Variants in OR6C1 observed in about 807,000 individuals in gnomAD.
OR6C1 encodes olfactory receptor 6C1.
For missense variants in OR6C1, 386 were observed against 366.1 expected, an observed-to-expected ratio of 1.05 and a Z score of -0.44; for synonymous variants, 157 against 133.3, an observed-to-expected ratio of 1.18 and a Z score of -1.22.
chr12:55,319,450 T>C (rs1868480575), intron 1 of OR6C1, among the ~76,000 whole-genome samples: 2 of 152,206 alleles, frequency 1.3e-5, no homozygotes, highest in East Asian at 1.9e-4. Flanking sequence ...AGGTGGTTTT[T>C]CAGTATGTCC....
chr12:55,320,645 A>C lies in OR6C1; in HGVS notation c.46A>C (p.Thr16Pro). 1.9e-6 allele frequency: 3 copies of C among 1,613,262 alleles called. No individual in the cohort carries two copies. Among genetic ancestry groups the C allele is most frequent in the Non-Finnish European group, 2.5e-6 (3 of 1,179,426 alleles). ...EITEFILLGL[T>P]DDPNFQVVIF... ...AACAGAGTTTATTCTTCTGGGATTA[A>C]CAGATGACCCAAATTTTCAGGTTGT... is the stretch of plus-strand genomic sequence containing the variant. Residue 16 changes from threonine (T) to proline (P), a missense_variant, in exon 2 of 2, where the codon ACA becomes CCA. Transcript: ENST00000642104.
At chr12:55,316,128 CA>C (rs1183046797) in intron 1 of OR6C1, among the ~76,000 whole-genome samples, 16 of 122,896 alleles carry the variant, frequency 1.3e-4, no homozygotes, top group East Asian at 1.0e-3. Context: ...CACACACACA[CA>C]CCCCCCGAGA....
At position 55,322,051 on chromosome 12, in the gene OR6C1, G is replaced by A. The variant is rs1868576641; in HGVS notation, c.*513G>A. ...ACTCATTTTAATTAGGTATGTTGGT[G>A]AAATTAATCTATTAATAAAGGAGCC... is the stretch of plus-strand genomic sequence containing the variant. On this transcript the variant is annotated 3_prime_UTR_variant, in exon 2 of 2. Transcript: ENST00000642104. The A allele has an allele frequency of 6.6e-6, 1 of 152,116 alleles. No homozygotes were observed. The highest frequency in any genetic ancestry group is 2.4e-5 in the African/African-American group (1 of 41,440). The allele number at this position is 152,116 out of a possible 1,614,324, so 9.4% of individuals were successfully genotyped here.
chr12:55,321,352 C>T lies in OR6C1; in HGVS notation c.753C>T (p.Gly251=). 5 of 1,613,838 alleles carry T rather than the reference C, an allele frequency of 3.1e-6. No homozygotes were observed. Among genetic ancestry groups the T allele is most frequent in the African/African-American group, 1.3e-5 (1 of 75,040 alleles). Reference sequence around the variant, plus strand: ...TGGTTGTTGTCTCCATCTCTTATGGCAGCTGCATTTTTATGTACATTAAAC... The same window carrying T: ...TGGTTGTTGTCTCCATCTCTTATGGTAGCTGCATTTTTATGTACATTAAAC... ...SHMVVVSISY[G]SCIFMYIKPS... Residue 251 remains glycine, a synonymous_variant, in exon 2 of 2, where the codon GGC becomes GGT. Transcript: ENST00000642104.
At chr12:55,316,995 TA>T (rs538342435) in intron 1 of OR6C1, among the ~76,000 whole-genome samples, 26 of 151,730 alleles carry the variant, frequency 1.7e-4, no homozygotes, top group Non-Finnish European at 3.4e-4. Flanking sequence ...AGTAAAGTGT[TA>T]AAAAAAATTA....
In OR6C1 at chr12:55,320,958, G is replaced by A. The variant is rs148191903; in HGVS notation, c.359G>A (p.Arg120His). The A allele has an allele frequency of 1.3e-4, 209 of 1,613,658 alleles. No homozygotes were observed. The highest frequency in any genetic ancestry group is 9.9e-4 in the Middle Eastern group (6 of 6,062). The change falls in exon 2 of 2, where the codon CGC (arginine) becomes CAC (histidine). Residue 120 changes from arginine to histidine, a missense_variant. Physicochemically the swap from Arg to His is conservative, Grantham distance 29. Coordinates refer to ENST00000642104, the MANE Select transcript of OR6C1 (RefSeq NM_001005182.2). ...CTTCTGGCTGCCATGTCCTATGACC[G>A]CTATGTGGCCATCTGCAAGCCTCTG... is the stretch of plus-strand genomic sequence containing the variant. ...FYLLAAMSYDRYVAICKPLHC... is the reference protein window; with the variant it reads ...FYLLAAMSYDHYVAICKPLHC...
chr12:55,320,488 C>A, intron 1 of OR6C1, 79 bp from the exon 2 acceptor site: 1 of 660,622 alleles, frequency 1.5e-6, no homozygotes, highest in Non-Finnish European at 2.6e-6. Flanking sequence ...CATACTATGT[C>A]AACCAAACTC....
intron 1 of OR6C1, among the ~76,000 whole-genome samples, chr12:55,316,450 G>C (rs1300298026): frequency 6.6e-6 from 1 of 151,728 alleles, no homozygotes; most frequent in Admixed American, 6.6e-5. Context: ...TAGAAAACAA[G>C]TAAGTAATTT....
chr12:55,320,705 A>G lies in OR6C1; in HGVS notation c.106A>G (p.Ser36Gly). 1.2e-6 allele frequency: 2 copies of G among 1,613,950 alleles called. No homozygotes were observed. Among genetic ancestry groups the G allele is most frequent in the Non-Finnish European group, 1.7e-6 (2 of 1,179,850 alleles). Residue 36 changes from serine to glycine, a missense_variant, in exon 2 of 2, where the codon AGC becomes GGC. Transcript: ENST00000642104. The part of the protein sequence containing the change: ...FVFLLITYML[S>G]ITGNLTLITI... ...CTTCCTGCTCATCACCTACATGCTC[A>G]GCATCACTGGGAACCTGACCCTTAT...
rs778816673 is a variant in OR6C1 at position 55,320,689 on chromosome 12, C to T, written c.90C>T (p.Leu30=). ...AGGTTGTAATCTTTGTCTTCCTGCT[C>T]ATCACCTACATGCTCAGCATCACTG... The part of the protein sequence containing the change: ...NFQVVIFVFL[L]ITYMLSITGN... Residue 30 remains leucine, a synonymous_variant, in exon 2 of 2, where the codon CTC becomes CTT. Coordinates refer to ENST00000642104, the MANE Select transcript of OR6C1 (RefSeq NM_001005182.2). 10 of 1,613,036 alleles carry T rather than the reference C, an allele frequency of 6.2e-6. No individual in the cohort carries two copies. The African/African-American group carries it at 8.0e-5, about 13-fold the overall frequency.
chr12:55,320,683 C>CCTGCTCAT lies in OR6C1; in HGVS notation c.86_93dup (p.Thr32CysfsTer13). On this transcript the variant is annotated frameshift_variant, in exon 2 of 2. Transcript: ENST00000642104. LOFTEE classifies it low-confidence loss of function (END_TRUNC). ...ATTTTCAGGTTGTAATCTTTGTCTT[C>CCTGCTCAT]CTGCTCATCACCTACATGCTCAGCA... The CCTGCTCAT allele has an allele frequency of 1.2e-6, 2 of 1,613,642 alleles. No individual in the cohort carries two copies. The highest frequency in any genetic ancestry group is 1.7e-6 in the Non-Finnish European group (2 of 1,179,592).
At position 55,321,659 on chromosome 12, in the gene OR6C1, C is replaced by T. The variant is rs1241085983; in HGVS notation, c.*121C>T. 1.8e-6 allele frequency: 1 copy of T among 562,560 alleles called. No individual in the cohort carries two copies. Among genetic ancestry groups the T allele is most frequent in the Non-Finnish European group, 2.9e-6 (1 of 339,068 alleles). The allele number at this position is 562,560 out of a possible 1,614,324, so 34.8% of individuals were successfully genotyped here. A position where few individuals can be genotyped will look rare whatever the true frequency, so the allele number is the denominator to read the frequency against. Reference sequence around the variant, plus strand: ...TCATTTTCTTTTCCCTAAAAGTTTGCAAGCATATTTATTTAATATATTTCT... The same window carrying T: ...TCATTTTCTTTTCCCTAAAAGTTTGTAAGCATATTTATTTAATATATTTCT... On this transcript the variant is annotated 3_prime_UTR_variant, in exon 2 of 2. Transcript: ENST00000642104.
At chr12:55,320,541 T>C in intron 1 of OR6C1, 26 bp from the exon 2 acceptor site, 1 of 1,012,498 alleles carries the variant, frequency 9.9e-7, no homozygotes. Context: ...ACTCTTCAAG[T>C]TTGTTCTTTG....
intron 1 of OR6C1, among the ~76,000 whole-genome samples, chr12:55,316,220 T>G (rs1356171060): frequency 6.6e-6 from 1 of 151,458 alleles, no homozygotes. Context: ...TGATTTAGTC[T>G]CTAACAGTCC....
At chr12:55,317,930 A>T (rs924730070) in intron 1 of OR6C1, among the ~76,000 whole-genome samples, 5 of 146,350 alleles carry the variant, frequency 3.4e-5, no homozygotes, top group Non-Finnish European at 7.5e-5. Flanking sequence ...ATATATATAT[A>T]TTATATATAT....
chr12:55,315,466 T>C (rs544916634), intron 1 of OR6C1, among the ~76,000 whole-genome samples: 1 of 151,836 alleles, frequency 6.6e-6, no homozygotes, highest in African/African-American at 2.4e-5. Flanking sequence ...CAGAAACCTT[T>C]ACAGAAATGA....
intron 1 of OR6C1, among the ~76,000 whole-genome samples, chr12:55,318,456 C>T (rs959374986): frequency 1.3e-5 from 2 of 151,738 alleles, no homozygotes; most frequent in Non-Finnish European, 2.9e-5. Flanking sequence ...ATAATTATTA[C>T]TATTTATTTA....
At chr12:55,317,895 A>C (rs1005757597) in intron 1 of OR6C1, among the ~76,000 whole-genome samples, 1 of 148,540 alleles carries the variant, frequency 6.7e-6, no homozygotes, top group Admixed American at 6.8e-5. Context: ...TATTACCCAC[A>C]ATGTATTACC....
At chr12:55,315,333 T>C (rs73324736) in intron 1 of OR6C1, among the ~76,000 whole-genome samples, 2,515 of 151,812 alleles carry the variant, frequency 0.017, 64 homozygotes, top group African/African-American at 0.057. Flanking sequence ...AGGTCATAAA[T>C]AAGAAATTAA....
Sources: gnomAD v4.1 joint callset for allele counts (sites outside exome capture counted in the v4.1 genomes callset) on GRCh38, gnomAD v4.1.1 for gene constraint, MANE v1.5 for transcripts, NCBI Gene and HGNC (gene_info 2026-07-23, HGNC 2026-07-21) for gene names.